The following ACBD6 variants were observed in gnomAD, a reference collection of about 807,000 sequenced individuals.
The protein encoded by ACBD6 is acyl-CoA binding domain containing 6, also known as acyl-CoA-binding domain-containing protein 6.
A neutral mutation model predicts 37.2 loss-of-function variants in ACBD6; 28 were observed. The ratio of observed to expected loss-of-function variants is 0.75; its 90% confidence interval spans 0.56 to 1.03. The LOEUF is 1.03. Among genes scored for constraint, ACBD6 ranks in the 50% least tolerant of loss-of-function variants. ACBD6 has a pLI of 0.00. For missense variants in ACBD6, 340 were observed against 337.4 expected (o/e 1.01, Z -0.06); for synonymous variants, 113 against 126.8 (o/e 0.89, Z 0.73).
chr1:180,325,101 C>G (rs1381381346), intron 6 of ACBD6, among the ~76,000 whole-genome samples: 4 of 152,030 alleles, frequency 2.6e-5, no homozygotes, highest in Admixed American at 6.6e-5. Flanking sequence ...TAAAACTGTT[C>G]TATAACCTTC....
chr1:180,283,818 C>T (rs553622749), downstream of ACBD6, among the ~76,000 whole-genome samples: 41 of 152,228 alleles, frequency 2.7e-4, no homozygotes, highest in South Asian at 8.3e-4. Flanking sequence ...ACTGTTTCAG[C>T]GCTTACATGT....
At chr1:180,429,267 C>T (rs74551099) in intron 4 of ACBD6, among the ~76,000 whole-genome samples, 2,785 of 152,160 alleles carry the variant, frequency 0.018, 88 homozygotes, top group African/African-American at 0.063. Context: ...CTCCTGGCAA[C>T]CACCATTTTA....
chr1:180,452,989 A>C (rs946008842), intron 3 of ACBD6, among the ~76,000 whole-genome samples: 3 of 152,230 alleles, frequency 2.0e-5, no homozygotes, highest in African/African-American at 4.8e-5. Context: ...CCAGAGGTAC[A>C]AAGAGGAGCT....
Position 180,453,959 on chromosome 1 carries a change from T to A in ACBD6, c.385-23697A>T, listed in dbSNP as rs563555810. Among the ~76,000 whole-genome samples, 30 of 151,882 alleles carry A rather than the reference T, an allele frequency of 2.0e-4. No homozygotes were observed. The South Asian group carries it at 5.8e-3, about 29-fold the overall frequency. On this transcript the variant is annotated intron_variant, in intron 3 of 7. Transcript: ENST00000367595. ...AAGAATCAATGTCATGAAAAGTAAT[T>A]TATAGATTCAATGCTATCCCCATCA...
intron 3 of ACBD6, among the ~76,000 whole-genome samples, chr1:180,430,716 AAAAGG>A (rs1465956599): frequency 5.5e-4 from 84 of 151,980 alleles, no homozygotes; most frequent in African/African-American, 2.0e-3. Context: ...AAAAAAAAAA[AAAAGG>A]AAGGAGAAAA....
intron 6 of ACBD6, among the ~76,000 whole-genome samples, chr1:180,376,677 A>G (rs1653448060): frequency 6.6e-6 from 1 of 152,184 alleles, no homozygotes; most frequent in Non-Finnish European, 1.5e-5. Context: ...ATAAATCAGA[A>G]ACAAAGGAGA....
chr1:180,424,317 C>G (rs1648495915), intron 4 of ACBD6, among the ~76,000 whole-genome samples: 1 of 152,246 alleles, frequency 6.6e-6, no homozygotes, highest in East Asian at 1.9e-4. Context: ...ACTATACTAG[C>G]ATATAATAAA....
At chr1:180,461,802 A>G (rs1650159292) in intron 3 of ACBD6, among the ~76,000 whole-genome samples, 1 of 152,178 alleles carries the variant, frequency 6.6e-6, no homozygotes, top group African/African-American at 2.4e-5. Context: ...AGGAAAAACC[A>G]CTACCAGCCA....
chr1:180,384,696 A>C (rs930600269), intron 6 of ACBD6, among the ~76,000 whole-genome samples: 1 of 152,230 alleles, frequency 6.6e-6, no homozygotes, highest in African/African-American at 2.4e-5. Context: ...GTACACCTGC[A>C]CTTTGATGTT....
intron 6 of ACBD6, among the ~76,000 whole-genome samples, chr1:180,318,168 C>CT (rs1553291890): frequency 8.3e-5 from 7 of 84,284 alleles, no homozygotes; most frequent in East Asian, 5.4e-4. Flanking sequence ...TCTCCGCCCC[C>CT]CCCCCCCAAA....
At chr1:180,291,024 T>C (rs573714259) in intron 7 of ACBD6, among the ~76,000 whole-genome samples, 1 of 152,356 alleles carries the variant, frequency 6.6e-6, no homozygotes, top group African/African-American at 2.4e-5. Context: ...GTCTTTTGTA[T>C]CTGGTCTCTT....
exon 14 of ACBD6, chr1:180,270,306 CAGAG>C (rs994302310): frequency 1.3e-5 from 2 of 152,278 alleles, no homozygotes; most frequent in East Asian, 1.9e-4. Context: ...GGAGAAAAGA[CAGAG>C]AGGAAGTCAG....
At chr1:180,460,847 C>T (rs1650117858) in intron 3 of ACBD6, among the ~76,000 whole-genome samples, 1 of 152,178 alleles carries the variant, frequency 6.6e-6, no homozygotes, top group Non-Finnish European at 1.5e-5. Flanking sequence ...CTCTCTCCTC[C>T]AAATGACAAC....
At chr1:180,350,064 C>T (rs528389646) in intron 6 of ACBD6, among the ~76,000 whole-genome samples, 9 of 143,944 alleles carry the variant, frequency 6.3e-5, no homozygotes, top group Non-Finnish European at 1.0e-4. Context: ...CTTGCTCTGT[C>T]GCCCAGGCTG....
chr1:180,362,359 T>C (rs1260688882), intron 6 of ACBD6, among the ~76,000 whole-genome samples: 1 of 152,140 alleles, frequency 6.6e-6, no homozygotes, highest in African/African-American at 2.4e-5. Flanking sequence ...CTTTACTAAC[T>C]GCTATGTTTT....
intron 4 of ACBD6, among the ~76,000 whole-genome samples, chr1:180,426,530 T>C (rs1362275046): frequency 2.0e-5 from 3 of 152,314 alleles, no homozygotes; most frequent in East Asian, 1.9e-4. Flanking sequence ...CTCCCTGTTA[T>C]AAGATTTGTT....
chr1:180,306,072 G>C (rs1396135252), intron 7 of ACBD6, among the ~76,000 whole-genome samples: 1 of 139,580 alleles, frequency 7.2e-6, no homozygotes, highest in Non-Finnish European at 1.5e-5. Flanking sequence ...CACAGGAAGG[G>C]GAACATCACA....
intron 6 of ACBD6, among the ~76,000 whole-genome samples, chr1:180,321,134 T>G (rs548360189): frequency 2.1e-4 from 32 of 152,218 alleles, no homozygotes; most frequent in Non-Finnish European, 4.3e-4. Context: ...TTCTCTATTC[T>G]GTTCCATTCA....
At chr1:180,361,684 C>T (rs977653403) in intron 6 of ACBD6, among the ~76,000 whole-genome samples, 4 of 152,078 alleles carry the variant, frequency 2.6e-5, no homozygotes, top group African/African-American at 9.7e-5. Context: ...ATTCCCAAGC[C>T]ATGCAGATAA....
Sources: gnomAD v4.1 joint callset for allele counts (sites outside exome capture counted in the v4.1 genomes callset) on GRCh38, gnomAD v4.1.1 for gene constraint, MANE v1.5 for transcripts, NCBI Gene and HGNC (gene_info 2026-07-23, HGNC 2026-07-21) for gene names.